The following GABRG1 variants were observed in gnomAD, a reference collection of about 807,000 sequenced individuals.
The protein encoded by GABRG1 is gamma-aminobutyric acid receptor subunit gamma-1.
A neutral mutation model predicts 49.8 loss-of-function variants in GABRG1; 49 were observed. The ratio of observed to expected loss-of-function variants is 0.98; its 90% CI spans 0.78 to 1.25. GABRG1 has a LOEUF of 1.25. Among genes scored for constraint, GABRG1 ranks in the 50% most tolerant of loss-of-function variants. The probability of loss-of-function intolerance (pLI) is 0.00; values close to 1 mark genes in which losing one functional copy is unlikely to be tolerated. For missense variants in GABRG1, 552 were observed against 552.3 expected, an observed-to-expected ratio of 1.00 and a Z score of 0.01; for synonymous variants, 232 against 185.1, an observed-to-expected ratio of 1.25 and a Z score of -2.06.
At position 46,035,846 on chromosome 4, in the gene GABRG1, A is replaced by G. The variant is rs1398650456; in HGVS notation, c.*5142T>C. 1.3e-5 allele frequency: 2 copies of G among 152,028 alleles called. No homozygotes were observed. The highest frequency in any genetic ancestry group is 1.3e-4 in the Admixed American group (2 of 15,240). 9.4% of individuals were successfully genotyped at this position (152,028 alleles called of 1,614,324 possible). ...TCTAAGGATCATGAGAGTAAAGAAC[A>G]CTGAAAAATTGAGACACCTTTGCCA... On this transcript the variant is annotated 3_prime_UTR_variant, in exon 9 of 9. Coordinates refer to ENST00000295452, the MANE Select transcript of GABRG1 (RefSeq NM_173536.4).
At chr4:46,053,031 A>G (rs928895357) in intron 7 of GABRG1, among the ~76,000 whole-genome samples, 1 of 152,000 alleles carries the variant, frequency 6.6e-6, no homozygotes, top group African/African-American at 2.4e-5. Flanking sequence ...ATCTTAACAA[A>G]GTTTTTCAAC....
chr4:46,049,903 A>G (rs2109396430), intron 8 of GABRG1, among the ~76,000 whole-genome samples: 1 of 151,958 alleles, frequency 6.6e-6, no homozygotes, highest in East Asian at 1.9e-4. Flanking sequence ...TTATTCTTAG[A>G]ATGAAATTAG....
chr4:46,116,433 G>A (rs1032569207), intron 1 of GABRG1, among the ~76,000 whole-genome samples: 2 of 150,610 alleles, frequency 1.3e-5, no homozygotes, highest in Non-Finnish European at 3.0e-5. Context: ...CTGAGACTTT[G>A]GGATATCTAT....
chr4:46,087,074 G>A (rs539653614), intron 2 of GABRG1, among the ~76,000 whole-genome samples: 30 of 151,584 alleles, frequency 2.0e-4, no homozygotes, highest in Middle Eastern at 6.8e-3. Context: ...AGATATGAGC[G>A]TATAATTTTT....
intron 1 of GABRG1, among the ~76,000 whole-genome samples, chr4:46,102,360 C>T (rs1369677113): frequency 1.3e-5 from 2 of 151,596 alleles, no homozygotes; most frequent in Admixed American, 6.6e-5. Context: ...AGACTAGGAG[C>T]CCCTCTGAAG....
At position 46,084,018 on chromosome 4, in the gene GABRG1, T is replaced by C. The variant is rs1277860702; in HGVS notation, c.289A>G (p.Asn97Asp). Residue 97 changes from asparagine (N) to aspartate (D), a missense_variant, in exon 3 of 9, where the codon AAC becomes GAC. Transcript: ENST00000295452. ...PTVIETDVYV[N>D]SIGPVDPINM... Reference sequence around the variant, plus strand: ...ATTGGATCAACTGGTCCAATGCTGTTTACATAAACATCAGTTTCAATTACT... The same window carrying C: ...ATTGGATCAACTGGTCCAATGCTGTCTACATAAACATCAGTTTCAATTACT... 6.3e-7 allele frequency: 1 copy of C among 1,584,794 alleles called. No individual in the cohort carries two copies. Among genetic ancestry groups the C allele is most frequent in the Non-Finnish European group, 8.6e-7 (1 of 1,159,570 alleles).
At chr4:46,063,238 T>C (rs1718778309) in intron 5 of GABRG1, among the ~76,000 whole-genome samples, 1 of 151,996 alleles carries the variant, frequency 6.6e-6, no homozygotes, top group Non-Finnish European at 1.5e-5. Context: ...AGAACAAAGC[T>C]GGAGGCATCA....
chr4:46,052,184 G>A (rs1718250070), intron 7 of GABRG1, among the ~76,000 whole-genome samples: 1 of 151,460 alleles, frequency 6.6e-6, no homozygotes, highest in Admixed American at 6.6e-5. Context: ...AAGCCAGAAG[G>A]AGACTGAGTC....
chr4:46,083,278 C>T (rs370760235), intron 3 of GABRG1, among the ~76,000 whole-genome samples: 1 of 151,670 alleles, frequency 6.6e-6, no homozygotes, highest in Non-Finnish European at 1.5e-5. Flanking sequence ...GATCTATTGT[C>T]CAGACTAACA....
At chr4:46,043,387 C>T (rs928499542) in intron 8 of GABRG1, among the ~76,000 whole-genome samples, 94 of 151,926 alleles carry the variant, frequency 6.2e-4, no homozygotes, top group African/African-American at 2.0e-3. Context: ...CCCCTCAAAA[C>T]TCAAGTTCAT....
At chr4:46,048,389 A>AAG (rs1718082075) in intron 8 of GABRG1, among the ~76,000 whole-genome samples, 1 of 150,222 alleles carries the variant, frequency 6.7e-6, no homozygotes, top group African/African-American at 2.4e-5. Flanking sequence ...GAAGGAAGGA[A>AAG]GGAAGGAAGG....
At chr4:46,093,292 T>G (rs1274859202) in intron 2 of GABRG1, among the ~76,000 whole-genome samples, 1 of 151,992 alleles carries the variant, frequency 6.6e-6, no homozygotes, top group Non-Finnish European at 1.5e-5. Context: ...GATAAGATTC[T>G]GTCATTTGCA....
chr4:46,059,961 C>T (rs1459415490), intron 5 of GABRG1, among the ~76,000 whole-genome samples: 1 of 151,946 alleles, frequency 6.6e-6, no homozygotes, highest in East Asian at 1.9e-4. Context: ...TTTTTCCTCT[C>T]TTTTTATATT....
intron 1 of GABRG1, among the ~76,000 whole-genome samples, chr4:46,110,150 A>G (rs1052566339): frequency 1.9e-4 from 29 of 150,916 alleles, no homozygotes; most frequent in African/African-American, 7.0e-4. Flanking sequence ...TGACTGTCTA[A>G]ATGTTTTTGT....
chr4:46,116,254 G>T (rs914717153), intron 1 of GABRG1, among the ~76,000 whole-genome samples: 8 of 150,682 alleles, frequency 5.3e-5, no homozygotes, highest in African/African-American at 1.9e-4. Context: ...TGGAGTAAGA[G>T]AAAGAAAATG....
At chr4:46,057,733 C>A (rs761645009) in intron 7 of GABRG1, among the ~76,000 whole-genome samples, 2 of 152,014 alleles carry the variant, frequency 1.3e-5, no homozygotes, top group African/African-American at 2.4e-5. Context: ...AGCCAGGGAG[C>A]GTCTTGTTCC....
rs372339643 is a variant in GABRG1 at position 46,103,436 on chromosome 4, AT to A, written c.105-6088del. ...CTTCTGGGTTAGTTAGTTGGTCATT[AT>A]TTCCACACAGGGAAAAGTTCCACCA... On this transcript the variant is annotated intron_variant, in intron 1 of 8. Coordinates refer to ENST00000295452, the MANE Select transcript of GABRG1 (RefSeq NM_173536.4). Among the ~76,000 whole-genome samples, 289 of 151,636 alleles carry A rather than the reference AT, an allele frequency of 1.9e-3. 1 individual carries two copies. The highest frequency in any genetic ancestry group is 6.7e-3 in the African/African-American group (278 of 41,490).
chr4:46,048,978 T>C (rs1718111618), intron 8 of GABRG1, among the ~76,000 whole-genome samples: 1 of 151,952 alleles, frequency 6.6e-6, no homozygotes, highest in Non-Finnish European at 1.5e-5. Context: ...AATAACAGAA[T>C]TGTTGACCTT....
chr4:46,114,391 G>A (rs1365314869), intron 1 of GABRG1, among the ~76,000 whole-genome samples: 1 of 150,912 alleles, frequency 6.6e-6, no homozygotes, highest in Non-Finnish European at 1.5e-5. Flanking sequence ...TGACAGAAGA[G>A]AACCAAGCCT....
Sources: allele counts gnomAD v4.1 joint callset (sites outside exome capture counted in the v4.1 genomes callset), GRCh38; gene constraint gnomAD v4.1.1; transcripts MANE v1.5; gene names NCBI Gene and HGNC (gene_info 2026-07-23, HGNC 2026-07-21).